SPIRE1: variants seen among roughly 807,000 people sequenced by gnomAD.
SPIRE1 encodes the protein spire type actin nucleation factor 1.
In SPIRE1, 40 loss-of-function variants were observed where a neutral mutation model predicts 94.1. The ratio of observed to expected loss-of-function variants is 0.43; its 90% CI spans 0.33 to 0.55. SPIRE1 has a LOEUF of 0.55. Among genes scored for constraint, SPIRE1 ranks in the 20% least tolerant of loss-of-function variants. SPIRE1 has a pLI of 0.06. For synonymous variants in SPIRE1, 376 were observed against 371.7 expected, an observed-to-expected ratio of 1.01 and a Z score of -0.13; for missense variants, 838 against 975.2, an observed-to-expected ratio of 0.86 and a Z score of 1.87.
chr18:12,584,676 T>A (rs1054990502), intron 2 of SPIRE1, among the ~76,000 whole-genome samples: 1 of 152,144 alleles, frequency 6.6e-6, no homozygotes, highest in Non-Finnish European at 1.5e-5. Context: ...GCACTTGTAG[T>A]GCTAGCTACT....
At chr18:12,616,036 G>A (rs946753839) in intron 2 of SPIRE1, among the ~76,000 whole-genome samples, 17 of 151,158 alleles carry the variant, frequency 1.1e-4, no homozygotes, top group East Asian at 1.9e-4. Flanking sequence ...CAAGCTCTTC[G>A]TTTTTTTTTT....
chr18:12,491,670 C>G (rs2033239265), intron 8 of SPIRE1, among the ~76,000 whole-genome samples: 1 of 152,084 alleles, frequency 6.6e-6, no homozygotes, highest in East Asian at 1.9e-4. Flanking sequence ...CTCTGTACAG[C>G]CCAGTGCTGT....
intron 2 of SPIRE1, among the ~76,000 whole-genome samples, chr18:12,615,878 C>T (rs995827551): frequency 6.6e-6 from 1 of 152,130 alleles, no homozygotes; most frequent in South Asian, 2.1e-4. Context: ...AGTTCAGTTA[C>T]GGATGATTTA....
intron 9 of SPIRE1, among the ~76,000 whole-genome samples, chr18:12,483,116 TA>T (rs1403419739): frequency 1.3e-5 from 2 of 152,100 alleles, no homozygotes; most frequent in East Asian, 1.9e-4. Flanking sequence ...AATTTTTTGG[TA>T]TTTTTTTGTG....
At chr18:12,535,409 C>T (rs2034805491) in intron 4 of SPIRE1, 67 bp downstream of exon 4, 3 of 1,532,638 alleles carry the variant, frequency 2.0e-6, no homozygotes, top group Non-Finnish European at 2.7e-6. Flanking sequence ...TTAGGTTTCT[C>T]TTCCAACAAA....
intron 12 of SPIRE1, among the ~76,000 whole-genome samples, chr18:12,460,298 G>C (rs913573710): frequency 6.6e-6 from 1 of 152,222 alleles, no homozygotes; most frequent in Non-Finnish European, 1.5e-5. Context: ...GCCCCAGGAA[G>C]GTACTGCCAA....
Position 12,546,894 on chromosome 18 carries a change from G to A in SPIRE1, c.383C>T (p.Ser128Phe), listed in dbSNP as rs753403640. 6.2e-7 allele frequency: 1 copy of A among 1,611,538 alleles called. No individual in the cohort carries two copies. Among genetic ancestry groups the A allele is most frequent in the Non-Finnish European group, 8.5e-7 (1 of 1,178,254 alleles). ...SQCMETEVIE[S>F]LGIIIYKALD... ...TGCTTTATAAATAATAATTCCCAAA[G>A]ATTCAATGACCTAGGAACATTTAAA... The change falls in exon 3 of 17, where the codon TCT (serine) becomes TTT (phenylalanine). Residue 128 changes from serine (S) to phenylalanine (F), a missense_variant. Transcript: ENST00000409402.
Position 12,572,189 on chromosome 18 carries a change from T to TG in SPIRE1, c.373-25286dup, listed in dbSNP as rs1382639747. On this transcript the variant is annotated intron_variant, in intron 2 of 16. Coordinates refer to ENST00000409402, the MANE Select transcript of SPIRE1 (RefSeq NM_001128626.2). ...TGAAGCTAGACCAGCAGTGGGGGCT[T>TG]GGGGGGGTCAATTACACAATCACAC... 5.9e-5 allele frequency among the ~76,000 whole-genome samples: 9 copies of TG among 151,756 alleles called. No individual in the cohort carries two copies. The East Asian group carries it at 7.8e-4, about 13-fold the overall frequency.
At chr18:12,615,327 CAAAAAAAA>C (rs1234229698) in intron 2 of SPIRE1, among the ~76,000 whole-genome samples, 1 of 2,190 alleles carries the variant, frequency 4.6e-4, no homozygotes, top group East Asian at 0.016. Flanking sequence ...AACTCTGTCT[CAAAAAAAA>C]AAAAAAAAAA....
chr18:12,655,506 C>T (rs1300810442), intron 1 of SPIRE1, among the ~76,000 whole-genome samples: 1 of 152,140 alleles, frequency 6.6e-6, no homozygotes, highest in Non-Finnish European at 1.5e-5. Flanking sequence ...TTTGATTAGG[C>T]CTCCTCCATA....
At position 12,450,048 on chromosome 18, in the gene SPIRE1, A is replaced by G. The variant is rs180845685; in HGVS notation, c.2013-152T>C. On this transcript the variant is annotated intron_variant, in intron 16 of 16. Transcript: ENST00000409402. ...ATATGTCCTTCTAAAAAAATTTCTT[A>G]TTGGTGACAAGGCTAAAAAATATTA... 468 of 871,420 alleles carry G rather than the reference A, an allele frequency of 5.4e-4. 2 individuals carry two copies. In the African/African-American group the frequency reaches 6.3e-3, roughly 12 times the overall value. 54.0% of individuals were successfully genotyped at this position (871,420 alleles called of 1,614,324 possible).
At chr18:12,508,234 T>C (rs1053761038) in intron 5 of SPIRE1, among the ~76,000 whole-genome samples, 2 of 152,166 alleles carry the variant, frequency 1.3e-5, no homozygotes, top group Non-Finnish European at 1.5e-5. Context: ...TTCATAAGAA[T>C]CTTCTATGTA....
chr18:12,593,265 T>C (rs1398840385), intron 2 of SPIRE1, among the ~76,000 whole-genome samples: 5 of 152,204 alleles, frequency 3.3e-5, no homozygotes, highest in African/African-American at 1.2e-4. Flanking sequence ...ATTACTAACA[T>C]TATCACTTAA....
chr18:12,451,763 A>G (rs2031251512), intron 16 of SPIRE1, among the ~76,000 whole-genome samples: 1 of 152,230 alleles, frequency 6.6e-6, no homozygotes, highest in African/African-American at 2.4e-5. Context: ...CACTAAATGC[A>G]AAGGGACTGA....
upstream of SPIRE1, chr18:12,658,414 G>A: frequency 2.5e-6 from 1 of 400,552 alleles, no homozygotes; most frequent in Non-Finnish European, 5.1e-6. Context: ...TGGGGCGTGG[G>A]GGACACGCGG....
intron 4 of SPIRE1, among the ~76,000 whole-genome samples, chr18:12,523,967 C>T (rs989514551): frequency 1.3e-5 from 2 of 152,014 alleles, no homozygotes; most frequent in Non-Finnish European, 2.9e-5. Flanking sequence ...TGATGTAATG[C>T]TATTGCACAT....
chr18:12,552,655 C>G (rs189033980), intron 2 of SPIRE1, among the ~76,000 whole-genome samples: 13 of 152,264 alleles, frequency 8.5e-5, no homozygotes, highest in African/African-American at 2.6e-4. Context: ...GTGAAGATCC[C>G]TGTCCTATTC....
At chr18:12,499,355 T>A (rs2033575800) in intron 6 of SPIRE1, among the ~76,000 whole-genome samples, 1 of 152,220 alleles carries the variant, frequency 6.6e-6, no homozygotes, top group South Asian at 2.1e-4. Flanking sequence ...TTCTGTTTTT[T>A]ATATCCTACA....
chr18:12,625,924 T>A (rs2037608850), intron 2 of SPIRE1, among the ~76,000 whole-genome samples: 1 of 151,958 alleles, frequency 6.6e-6, no homozygotes, highest in African/African-American at 2.4e-5. Flanking sequence ...CTGCCTGTAA[T>A]CCCAGCTACT....
Sources: allele counts gnomAD v4.1 joint callset (sites outside exome capture counted in the v4.1 genomes callset), GRCh38; gene constraint gnomAD v4.1.1; transcripts MANE v1.5; gene names NCBI Gene and HGNC (gene_info 2026-07-23, HGNC 2026-07-21).